PIK3AP1: variants seen among roughly 807,000 people sequenced by gnomAD.
The protein encoded by PIK3AP1 is phosphoinositide 3-kinase adapter protein 1.
In PIK3AP1, 21 loss-of-function variants were observed where a neutral mutation model predicts 88.1. That is an observed-to-expected ratio of 0.24 (90% CI 0.17 to 0.34). The LOEUF (loss-of-function observed/expected upper bound fraction) is 0.34, where lower values mean the gene tolerates loss of function less well. PIK3AP1 is among the 10% of genes least tolerant of loss of function. The pLI is 1.00. For synonymous variants in PIK3AP1, 398 were observed against 400.0 expected, an observed-to-expected ratio of 1.00 and a Z score of 0.06; for missense variants, 828 against 1,035.7, an observed-to-expected ratio of 0.80 and a Z score of 2.75.
intron 2 of PIK3AP1, among the ~76,000 whole-genome samples, chr10:96,704,629 A>C (rs1844339171): frequency 6.6e-6 from 1 of 151,988 alleles, no homozygotes; most frequent in Non-Finnish European, 1.5e-5. Flanking sequence ...GAGGCAGGAG[A>C]ATTGCTCGAA....
chr10:96,633,256 G>C, intron 8 of PIK3AP1: 1 of 544,852 alleles, frequency 1.8e-6, no homozygotes, highest in Non-Finnish European at 2.9e-6. Context: ...TGTAGGCAAT[G>C]TTGCCTGGAA....
chr10:96,631,576 TAAAG>T (rs1564962535), intron 8 of PIK3AP1, among the ~76,000 whole-genome samples: 2 of 152,096 alleles, frequency 1.3e-5, no homozygotes. Flanking sequence ...GGGGAGGAGT[TAAAG>T]AAAGAACTTA....
At chr10:96,709,491 T>C in intron 2 of PIK3AP1, 76 bp downstream of exon 2, 3 of 1,479,336 alleles carry the variant, frequency 2.0e-6, no homozygotes, top group Non-Finnish European at 2.7e-6. Context: ...CCGCTCATTT[T>C]GGAATATAAA....
Position 96,616,636 on chromosome 10 carries a change from T to C in PIK3AP1, c.2014+3A>G, listed in dbSNP as rs777475611. 5.6e-6 allele frequency: 9 copies of C among 1,613,802 alleles called. No homozygotes were observed. Among genetic ancestry groups the C allele is most frequent in the South Asian group, 2.2e-5 (2 of 91,076 alleles). On this transcript the variant is annotated splice_donor_region_variant and intron_variant, in intron 13 of 16. Coordinates refer to ENST00000339364, the MANE Select transcript of PIK3AP1 (RefSeq NM_152309.3). The stretch of plus-strand genomic sequence containing the variant: ...CAATGCAGCACCCTAGGAAGCCACA[T>C]ACCTGTCTGCTTTCCTGATTTTTGC...
At position 96,704,724 on chromosome 10, in the gene PIK3AP1, G is replaced by GA. The variant is rs575846740; in HGVS notation, c.430+4842dup. ...ACAGAGCGAGACTCTATCTCAAAAA[G>GA]AAAAAAAAAAGAAAAAAGAAAAAAA... On this transcript the variant is annotated intron_variant, in intron 2 of 16. Coordinates refer to ENST00000339364, the MANE Select transcript of PIK3AP1 (RefSeq NM_152309.3). 4.0e-3 allele frequency among the ~76,000 whole-genome samples: 527 copies of GA among 130,704 alleles called. 2 individuals are homozygous for GA. The highest frequency in any genetic ancestry group is 0.012 in the Middle Eastern group (3 of 250). 85.7% of individuals were successfully genotyped at this position (130,704 alleles called of 152,430 possible).
chr10:96,711,128 A>C (rs1358884328), intron 1 of PIK3AP1, among the ~76,000 whole-genome samples: 1 of 152,212 alleles, frequency 6.6e-6, no homozygotes, highest in African/African-American at 2.4e-5. Flanking sequence ...CTCCTCATTT[A>C]CAGATGAAAG....
At chr10:96,710,659 A>G (rs891769508) in intron 1 of PIK3AP1, among the ~76,000 whole-genome samples, 4 of 152,218 alleles carry the variant, frequency 2.6e-5, no homozygotes, top group Admixed American at 6.5e-5. Flanking sequence ...AAACACTTAT[A>G]TAGAGGTTAC....
intron 2 of PIK3AP1, among the ~76,000 whole-genome samples, chr10:96,689,575 CAAAA>C (rs56828361): frequency 1.4e-5 from 1 of 70,446 alleles, no homozygotes; most frequent in African/African-American, 5.2e-5. Flanking sequence ...GACTCTGTCT[CAAAA>C]AAAAAAAAAA....
At chr10:96,618,626 CATTT>C (rs1023871781) in intron 12 of PIK3AP1, 11 of 151,340 alleles carry the variant, frequency 7.3e-5, no homozygotes, top group African/African-American at 2.7e-4. Context: ...AGAGAGCTAA[CATTT>C]ATTATGTATT....
chr10:96,677,610 C>CACACACAT (rs1843941802), intron 2 of PIK3AP1, among the ~76,000 whole-genome samples: 1 of 151,802 alleles, frequency 6.6e-6, no homozygotes, highest in Non-Finnish European at 1.5e-5. Flanking sequence ...CACACACACA[C>CACACACAT]ACACACACAC....
At position 96,595,315 on chromosome 10, in the gene PIK3AP1, T is replaced by C. The variant is rs1848736319; in HGVS notation, c.*262A>G. On this transcript the variant is annotated 3_prime_UTR_variant, in exon 17 of 17. Transcript: ENST00000339364. ...GGCAAATTAGAGGTAAGTATTTCGA[T>C]TAAGTCTTCATCCTTTTGGCAAACA... 2 of 459,634 alleles carry C rather than the reference T, an allele frequency of 4.4e-6. No homozygotes were observed. Among genetic ancestry groups the C allele is most frequent in the East Asian group, 3.7e-5 (1 of 27,382 alleles). The allele number at this position is 459,634 out of a possible 1,614,324, so 28.5% of individuals were successfully genotyped here.
Position 96,710,002 on chromosome 10 carries a change from C to G in PIK3AP1, c.14-19G>C. On this transcript the variant is annotated intron_variant, in intron 1 of 16. Coordinates refer to ENST00000339364, the MANE Select transcript of PIK3AP1 (RefSeq NM_152309.3). Reference sequence around the variant, plus strand: ...GGCACCCCTGGACAAGAATGAGGCACAGAAGCATGTTAGCACACCTCCCCT... The same window carrying G: ...GGCACCCCTGGACAAGAATGAGGCAGAGAAGCATGTTAGCACACCTCCCCT... The G allele has an allele frequency of 6.4e-7, 1 of 1,559,118 alleles. No homozygotes were observed. The highest frequency in any genetic ancestry group is 8.7e-7 in the Non-Finnish European group (1 of 1,146,922).
intron 2 of PIK3AP1, among the ~76,000 whole-genome samples, chr10:96,700,590 C>G (rs975182517): frequency 6.6e-6 from 1 of 152,162 alleles, no homozygotes. Flanking sequence ...AAAAAGAAAG[C>G]GTCCTTCAGC....
chr10:96,704,078 AC>A (rs1262886481), intron 2 of PIK3AP1, among the ~76,000 whole-genome samples: 1 of 152,172 alleles, frequency 6.6e-6, no homozygotes, highest in East Asian at 1.9e-4. Flanking sequence ...TCTCAGTAGC[AC>A]CCCATCCCAA....
intron 7 of PIK3AP1, among the ~76,000 whole-genome samples, 185 bp downstream of exon 7, chr10:96,648,474 G>A (rs1209437414): frequency 2.0e-5 from 3 of 152,218 alleles, no homozygotes; most frequent in African/African-American, 7.2e-5. Flanking sequence ...TGTTGGTACA[G>A]GAATTTGGAC....
At chr10:96,648,548 G>T in intron 7 of PIK3AP1, 111 bp downstream of exon 7, 1 of 1,159,180 alleles carries the variant, frequency 8.6e-7, no homozygotes, top group Non-Finnish European at 1.2e-6. Flanking sequence ...GGCCAGAAGA[G>T]GTACATGAGG....
intron 2 of PIK3AP1, among the ~76,000 whole-genome samples, chr10:96,682,315 G>A (rs763371481): frequency 1.1e-4 from 16 of 151,950 alleles, no homozygotes; most frequent in Non-Finnish European, 2.1e-4. Flanking sequence ...GGTAAGAGCG[G>A]GTACTCAAAG....
chr10:96,636,549 G>A (rs1410836644), intron 8 of PIK3AP1, among the ~76,000 whole-genome samples: 1 of 152,174 alleles, frequency 6.6e-6, no homozygotes, highest in Non-Finnish European at 1.5e-5. Context: ...GAGCATTTTG[G>A]GAGGGAAATC....
At chr10:96,683,978 C>A (rs574722260) in intron 2 of PIK3AP1, among the ~76,000 whole-genome samples, 40 of 152,320 alleles carry the variant, frequency 2.6e-4, no homozygotes, top group Middle Eastern at 3.4e-3. Context: ...GGCTAACAGT[C>A]TACCACTTTT....
Sources: allele counts gnomAD v4.1 joint callset (sites outside exome capture counted in the v4.1 genomes callset), GRCh38; gene constraint gnomAD v4.1.1; transcripts MANE v1.5; gene names NCBI Gene and HGNC (gene_info 2026-07-23, HGNC 2026-07-21).